The following CYSLTR2 variants were observed in gnomAD, a reference collection of about 807,000 sequenced individuals.
The protein encoded by CYSLTR2 is G-protein coupled receptor GPCR21.
For synonymous variants in CYSLTR2, 179 were observed against 160.8 expected, an observed-to-expected ratio of 1.11 and a Z score of -0.86; for missense variants, 398 against 411.9, an observed-to-expected ratio of 0.97 and a Z score of 0.29.
chr13:48,702,722 G>A (rs1231035781), intron 4 of CYSLTR2, among the ~76,000 whole-genome samples: 1 of 152,048 alleles, frequency 6.6e-6, no homozygotes, highest in Non-Finnish European at 1.5e-5. Context: ...GAAATTAGAT[G>A]GACTGATTCT....
At chr13:48,671,890 T>C (rs1341898208) in intron 1 of CYSLTR2, among the ~76,000 whole-genome samples, 3 of 152,036 alleles carry the variant, frequency 2.0e-5, no homozygotes, top group African/African-American at 7.2e-5. Context: ...GAATTTGGCT[T>C]AGAATCCATC....
chr13:48,695,391 T>TTCTTTTTC (rs71076042), intron 3 of CYSLTR2, among the ~76,000 whole-genome samples: 1 of 138,730 alleles, frequency 7.2e-6, no homozygotes, highest in Non-Finnish European at 1.5e-5. Context: ...CTTTCTTTCT[T>TTCTTTTTC]TCTCTCTCTC....
intron 3 of CYSLTR2, among the ~76,000 whole-genome samples, chr13:48,695,407 TTC>T (rs1472487050): frequency 2.0e-5 from 2 of 98,276 alleles, no homozygotes. Context: ...CTCTCTCTCT[TTC>T]TCTCTCTCTC....
chr13:48,700,535 T>C (rs1333947082), intron 4 of CYSLTR2, among the ~76,000 whole-genome samples: 1 of 152,094 alleles, frequency 6.6e-6, no homozygotes, highest in African/African-American at 2.4e-5. Context: ...TAAGAGCTAT[T>C]TATGACAAAC....
chr13:48,679,718 T>C (rs1953698572), intron 1 of CYSLTR2, among the ~76,000 whole-genome samples: 1 of 152,160 alleles, frequency 6.6e-6, no homozygotes, highest in Admixed American at 6.5e-5. Context: ...CTGCCCCTTG[T>C]TGGATGAAGG....
In CYSLTR2 at chr13:48,707,937, T is replaced by TACATCACTCCCA; in HGVS notation, c.*83_*94dup. 2 of 1,171,752 alleles carry TACATCACTCCCA rather than the reference T, an allele frequency of 1.7e-6. No individual in the cohort carries two copies. Among genetic ancestry groups the TACATCACTCCCA allele is most frequent in the East Asian group, 5.0e-5 (2 of 39,886 alleles). 72.6% of individuals were successfully genotyped at this position (1,171,752 alleles called of 1,614,324 possible). On this transcript the variant is annotated 3_prime_UTR_variant, in exon 5 of 5. Coordinates refer to ENST00000682523, the MANE Select transcript of CYSLTR2 (RefSeq NM_001308476.3). Reference sequence around the variant, plus strand: ...CATAGTCTCCAAATGACTTTGTATTTACATCACTCCCAACAAATGTTGATT... The same window carrying TACATCACTCCCA: ...CATAGTCTCCAAATGACTTTGTATTTACATCACTCCCAACATCACTCCCAACAAATGTTGATT...
intron 1 of CYSLTR2, among the ~76,000 whole-genome samples, chr13:48,668,348 G>GT (rs1254526841): frequency 1.3e-5 from 2 of 152,258 alleles, no homozygotes; most frequent in Non-Finnish European, 2.9e-5. Context: ...CACATTGCAG[G>GT]TTGAGGAAGA....
chr13:48,672,824 G>A (rs1160092696), intron 1 of CYSLTR2, among the ~76,000 whole-genome samples: 1 of 151,872 alleles, frequency 6.6e-6, no homozygotes, highest in Non-Finnish European at 1.5e-5. Context: ...CACTGTGTTA[G>A]CCAGGATGGT....
intron 1 of CYSLTR2, among the ~76,000 whole-genome samples, chr13:48,674,035 C>T (rs181928038): frequency 6.6e-6 from 1 of 152,304 alleles, no homozygotes; most frequent in Admixed American, 6.5e-5. Flanking sequence ...CCCAACCTTT[C>T]TGTCTGACTG....
chr13:48,668,977 C>T (rs1418016105), intron 1 of CYSLTR2, among the ~76,000 whole-genome samples: 2 of 152,040 alleles, frequency 1.3e-5, no homozygotes, highest in Non-Finnish European at 2.9e-5. Context: ...CCATAGTGTA[C>T]ATGTGTCACA....
At chr13:48,672,300 T>C (rs1953454309) in intron 1 of CYSLTR2, among the ~76,000 whole-genome samples, 1 of 152,148 alleles carries the variant, frequency 6.6e-6, no homozygotes, top group African/African-American at 2.4e-5. Context: ...CTGATCTTAG[T>C]TATTTCTTGT....
intron 1 of CYSLTR2, among the ~76,000 whole-genome samples, chr13:48,681,158 G>GCCTAAAACCAACCCCAA (rs879436906): frequency 5.3e-5 from 8 of 151,948 alleles, no homozygotes; most frequent in Non-Finnish European, 7.4e-5. Flanking sequence ...CCCCTGTGGG[G>GCCTAAAACCAACCCCAA]CCTAAAACCA....
chr13:48,703,619 A>C (rs1332055020), intron 4 of CYSLTR2, among the ~76,000 whole-genome samples: 1 of 152,126 alleles, frequency 6.6e-6, no homozygotes, highest in Admixed American at 6.5e-5. Flanking sequence ...GCTAAATTTT[A>C]TTTGATGGTA....
intron 1 of CYSLTR2, among the ~76,000 whole-genome samples, chr13:48,675,249 CT>C (rs1313570921): frequency 4.6e-5 from 7 of 152,218 alleles, no homozygotes; most frequent in Non-Finnish European, 7.3e-5. Context: ...ACAGCCACCC[CT>C]TCCCCCAGGT....
At chr13:48,669,126 G>A (rs377277905) in intron 1 of CYSLTR2, among the ~76,000 whole-genome samples, 55 of 152,110 alleles carry the variant, frequency 3.6e-4, no homozygotes, top group East Asian at 1.7e-3. Flanking sequence ...TATATACCCC[G>A]TAATGGGATT....
At chr13:48,663,132 T>C (rs35252013) in intron 1 of CYSLTR2, among the ~76,000 whole-genome samples, 3,101 of 152,216 alleles carry the variant, frequency 0.02, 42 homozygotes, top group Non-Finnish European at 0.033. Context: ...TTGGCACCTT[T>C]GTCAAAAATC....
intron 4 of CYSLTR2, among the ~76,000 whole-genome samples, chr13:48,706,294 C>T (rs1954486526): frequency 1.3e-5 from 2 of 152,162 alleles, no homozygotes. Flanking sequence ...CCAAACCCAG[C>T]CTAGTCATTC....
At chr13:48,673,921 C>A (rs901832400) in intron 1 of CYSLTR2, among the ~76,000 whole-genome samples, 2 of 152,130 alleles carry the variant, frequency 1.3e-5, no homozygotes, top group Non-Finnish European at 2.9e-5. Context: ...GTTGAAAATT[C>A]TTTTCTTTAA....
intron 1 of CYSLTR2, among the ~76,000 whole-genome samples, chr13:48,666,034 C>T (rs1416033412): frequency 6.6e-6 from 1 of 152,066 alleles, no homozygotes; most frequent in Non-Finnish European, 1.5e-5. Flanking sequence ...AAATGGTTAT[C>T]ATCTTTTCAC....
Sources: allele counts gnomAD v4.1 joint callset (sites outside exome capture counted in the v4.1 genomes callset), GRCh38; gene constraint gnomAD v4.1.1; transcripts MANE v1.5; gene names NCBI Gene and HGNC (gene_info 2026-07-23, HGNC 2026-07-21).